Variants in MTHFD2 observed in about 807,000 individuals in gnomAD.
MTHFD2 encodes methylenetetrahydrofolate dehydrogenase (NADP+ dependent) 2, methenyltetrahydrofolate cyclohydrolase, also known as bifunctional methylenetetrahydrofolate dehydrogenase/cyclohydrolase, mitochondrial.
Under a neutral mutation model 36.8 loss-of-function variants are expected in MTHFD2, and 26 were observed. The ratio of observed to expected loss-of-function variants is 0.71; its 90% CI spans 0.52 to 0.98. The LOEUF is 0.98. Among genes scored for constraint, MTHFD2 ranks in the 50% least tolerant of loss-of-function variants. The pLI is 0.00. For missense variants in MTHFD2, 373 were observed against 434.0 expected (o/e 0.86, Z 1.25); for synonymous variants, 164 against 155.2 (o/e 1.06, Z -0.42).
intron 1 of MTHFD2, 72 bp from the exon 2 acceptor site, chr2:74,205,633 T>C (rs1407614639): frequency 2.0e-6 from 3 of 1,517,472 alleles, no homozygotes; most frequent in Non-Finnish European, 2.7e-6. Context: ...CATAAGCCAC[T>C]ACACCTGGCA....
chr2:74,212,115 A>T, intron 7 of MTHFD2, among the ~76,000 whole-genome samples: 1 of 149,790 alleles, frequency 6.7e-6, no homozygotes. Context: ...TATAGGTGTG[A>T]GCCACTGCGC....
chr2:74,212,109 G>A (rs1694318324), intron 7 of MTHFD2, among the ~76,000 whole-genome samples: 1 of 149,562 alleles, frequency 6.7e-6, no homozygotes, highest in South Asian at 2.1e-4. Flanking sequence ...TGGGATTATA[G>A]GTGTGAGCCA....
rs1694475393 is a variant in MTHFD2, at chr2:74,217,315, G to A, written c.*3073G>A. 4 of 152,170 alleles carry A rather than the reference G, an allele frequency of 2.6e-5. No homozygotes were observed. Among genetic ancestry groups the A allele is most frequent in the Admixed American group, 2.6e-4 (4 of 15,272 alleles). The allele number at this position is 152,170 out of a possible 1,614,324, so 9.4% of individuals were successfully genotyped here. ...TCATAGTAGGCATTAAATCAACATG[G>A]TTGGTGTTCATTAAATGTGGATTGA... is the stretch of plus-strand genomic sequence containing the variant. On this transcript the variant is annotated 3_prime_UTR_variant, in exon 8 of 8. Transcript: ENST00000394053.
Position 74,214,170 on chromosome 2 carries a change from T to C in MTHFD2, c.981T>C (p.Ala327=), listed in dbSNP as rs775294021. Reference sequence around the variant, plus strand: ...TGCTAATGAAGAATACCATTATTGCTGCAAAAAAGGTGCTGAGGCTTGAAG... The same window carrying C: ...TGCTAATGAAGAATACCATTATTGCCGCAAAAAAGGTGCTGAGGCTTGAAG... ...VAMLMKNTII[A]AKKVLRLEER... is the part of the protein sequence containing the mutation. The change falls in exon 8 of 8, where the codon GCT becomes GCC. Residue 327 remains alanine (A), a synonymous_variant. Transcript: ENST00000394053. The C allele has an allele frequency of 3.7e-6, 6 of 1,614,130 alleles. No individual in the cohort carries two copies. The highest frequency in any genetic ancestry group is 2.2e-5 in the East Asian group (1 of 44,894).
intron 7 of MTHFD2, among the ~76,000 whole-genome samples, chr2:74,212,261 C>CCTTT (rs1694324657): frequency 2.4e-5 from 1 of 42,234 alleles, no homozygotes; most frequent in Non-Finnish European, 3.9e-5. Context: ...TCGTTTCTTT[C>CCTTT]TCTTTTTTTT....
At chr2:74,209,140 G>C (rs1290550125) in intron 4 of MTHFD2, among the ~76,000 whole-genome samples, 1 of 152,154 alleles carries the variant, frequency 6.6e-6, no homozygotes, top group Non-Finnish European at 1.5e-5. Context: ...AGAGTGCTGG[G>C]ATTATAGGCA....
At chr2:74,199,352 A>C (rs59694669) in intron 1 of MTHFD2, among the ~76,000 whole-genome samples, 17,274 of 152,182 alleles carry the variant, frequency 0.11, 1,366 homozygotes, top group East Asian at 0.38. Flanking sequence ...GCAGCCCACC[A>C]GAGCCTGTCA....
rs1558859524 is a variant in MTHFD2, at chr2:74,215,422, T to TA, written c.*1181dup. 6.8e-6 allele frequency: 1 copy of TA among 146,038 alleles called. No individual in the cohort carries two copies. Among genetic ancestry groups the TA allele is most frequent in the African/African-American group, 2.7e-5 (1 of 36,850 alleles). The allele number at this position is 146,038 out of a possible 1,614,324, so 9.0% of individuals were successfully genotyped here. A position where few individuals can be genotyped will look rare whatever the true frequency, so the allele number is the denominator to read the frequency against. On this transcript the variant is annotated 3_prime_UTR_variant, in exon 8 of 8. Coordinates refer to ENST00000394053, the MANE Select transcript of MTHFD2 (RefSeq NM_006636.4). ...CTTAAATAGATAATTTTTTTTCTTC[T>TA]ATTTTTTTTTTTTTTTTTGTAGAGA...
rs1022151973 is a variant in MTHFD2, at chr2:74,217,241, A to G, written c.*2999A>G. ...AAGTGATTTACTCAAGGTTTAAATCATAGTTGTTTTGGAGAAAGTAAGTGT... is the reference window on the plus strand; with the variant it reads ...AAGTGATTTACTCAAGGTTTAAATCGTAGTTGTTTTGGAGAAAGTAAGTGT... On this transcript the variant is annotated 3_prime_UTR_variant, in exon 8 of 8. Coordinates refer to ENST00000394053, the MANE Select transcript of MTHFD2 (RefSeq NM_006636.4). The G allele has an allele frequency of 6.6e-6, 1 of 152,218 alleles. No homozygotes were observed. The highest frequency in any genetic ancestry group is 1.5e-5 in the Non-Finnish European group (1 of 68,040). The allele number at this position is 152,218 out of a possible 1,614,324, so 9.4% of individuals were successfully genotyped here.
At position 74,216,554 on chromosome 2, in the gene MTHFD2, G is replaced by A. The variant is rs1314953515; in HGVS notation, c.*2312G>A. ...GTTTTAAAACTGAAATGTGTTAAGG[G>A]TGGATTGTTAGCTTCCCCAGGATTG... On this transcript the variant is annotated 3_prime_UTR_variant, in exon 8 of 8. Coordinates refer to ENST00000394053, the MANE Select transcript of MTHFD2 (RefSeq NM_006636.4). 1 of 152,172 alleles carries A rather than the reference G, an allele frequency of 6.6e-6. No individual in the cohort carries two copies. The highest frequency in any genetic ancestry group is 1.5e-5 in the Non-Finnish European group (1 of 68,034). 9.4% of individuals were successfully genotyped at this position (152,172 alleles called of 1,614,324 possible).
intron 4 of MTHFD2, among the ~76,000 whole-genome samples, chr2:74,209,532 T>C (rs982303816): frequency 1.6e-4 from 25 of 152,180 alleles, no homozygotes; most frequent in African/African-American, 6.0e-4. Flanking sequence ...ATTACAGGTG[T>C]GAGCCATCGC....
chr2:74,211,229 A>G lies in MTHFD2; in HGVS notation c.701A>G (p.Tyr234Cys). The change falls in exon 6 of 8, where the codon TAT (tyrosine) becomes TGT (cysteine). Residue 234 changes from tyrosine to cysteine, a missense_variant. Around this residue, in one of 2 missense-constraint regions of MTHFD2, gnomAD observed 308 missense variants for 397.8 expected, o/e 0.77. Transcript: ENST00000394053. ...GDATVTISHR[Y>C]TPKEQLKKHT... is the part of the protein sequence containing the mutation. ...GCCACTGTTACAATATCTCATCGAT[A>G]TACTCCCAAAGAGCAGTTGAAGAAA... 6.2e-7 allele frequency: 1 copy of G among 1,608,218 alleles called. No individual in the cohort carries two copies. The highest frequency in any genetic ancestry group is 8.5e-7 in the Non-Finnish European group (1 of 1,176,546).
chr2:74,212,364 C>G (rs1694328765), intron 7 of MTHFD2, among the ~76,000 whole-genome samples: 1 of 144,094 alleles, frequency 6.9e-6, no homozygotes, highest in South Asian at 2.2e-4. Context: ...CTCACAGCTT[C>G]AAGCGATTCT....
chr2:74,200,033 G>C (rs1209711400), intron 1 of MTHFD2, among the ~76,000 whole-genome samples: 2 of 152,178 alleles, frequency 1.3e-5, no homozygotes, highest in East Asian at 3.8e-4. Context: ...CAGAACACGC[G>C]TGTAATTTCC....
intron 4 of MTHFD2, 23 bp downstream of exon 4, chr2:74,208,744 T>C (rs751586155): frequency 7.5e-5 from 120 of 1,610,380 alleles, no homozygotes; most frequent in Admixed American, 6.7e-5. Context: ...CAGAATTGCA[T>C]GTCTGTGTTA....
At chr2:74,213,802 G>A (rs1298062278) in intron 7 of MTHFD2, among the ~76,000 whole-genome samples, 2 of 151,886 alleles carry the variant, frequency 1.3e-5, no homozygotes, top group African/African-American at 4.8e-5. Flanking sequence ...GCTTATTATT[G>A]TTATACTTAC....
rs1223127917 is a variant in MTHFD2 at position 74,217,090 on chromosome 2, G to C, written c.*2848G>C. On this transcript the variant is annotated 3_prime_UTR_variant, in exon 8 of 8. Coordinates refer to ENST00000394053, the MANE Select transcript of MTHFD2 (RefSeq NM_006636.4). ...GACCAGGCACTACACTAGACGCTGG[G>C]AATTACAGAGGCAATTACCTGTCCT... is the stretch of plus-strand genomic sequence containing the variant. 6.6e-6 allele frequency: 1 copy of C among 152,116 alleles called. No homozygotes were observed. The highest frequency in any genetic ancestry group is 1.9e-4 in the East Asian group (1 of 5,198). The allele number at this position is 152,116 out of a possible 1,614,324, so 9.4% of individuals were successfully genotyped here.
Position 74,198,739 on chromosome 2 carries a change from T to TTCGGTAAGAGGGTCACAGAGC in MTHFD2, c.101+3_101+23dup. On this transcript the variant is annotated stop_gained and inframe_insertion, in exon 1 of 8. Coordinates refer to ENST00000394053, the MANE Select transcript of MTHFD2 (RefSeq NM_006636.4). LOFTEE classifies it high-confidence loss of function. ...CTTCGCCCTTTCCACCTCGCGGCAG[T>TTCGGTAAGAGGGTCACAGAGC]TCGGTAAGAGGGTCACAGAGCTCGG... The TTCGGTAAGAGGGTCACAGAGC allele has an allele frequency of 6.2e-7, 1 of 1,608,054 alleles. No homozygotes were observed. Among genetic ancestry groups the TTCGGTAAGAGGGTCACAGAGC allele is most frequent in the Non-Finnish European group, 8.5e-7 (1 of 1,177,836 alleles).
rs768508464 is a variant in MTHFD2 at position 74,209,781 on chromosome 2, GT to G, written c.563-160del. On this transcript the variant is annotated intron_variant, in intron 4 of 7. Coordinates refer to ENST00000394053, the MANE Select transcript of MTHFD2 (RefSeq NM_006636.4). ...ACATTCCTGTAACATTTTGTAGCCT[GT>G]AGTATGCTTTCTCCTGTTTTCTTTT... Among the ~76,000 whole-genome samples the G allele has an allele frequency of 7.9e-5, 12 of 152,270 alleles. 1 individual carries two copies. Among genetic ancestry groups the G allele is most frequent in the South Asian group, 6.2e-4 (3 of 4,830 alleles).
Sources: gnomAD v4.1 joint callset for allele counts (sites outside exome capture counted in the v4.1 genomes callset) on GRCh38, gnomAD v4.1.1 for gene constraint, gnomAD v4.1.1 regional missense constraint, MANE v1.5 for transcripts, NCBI Gene and HGNC (gene_info 2026-07-23, HGNC 2026-07-21) for gene names.